Variants in CEP89 observed in about 807,000 individuals in gnomAD.
CEP89 encodes the protein centrosomal protein 89.
Under a neutral mutation model 97.6 loss-of-function variants are expected in CEP89, and 95 were observed. The observed-to-expected ratio is 0.97, with a 90% CI of 0.82 to 1.15. The LOEUF is 1.15. Among genes scored for constraint, CEP89 ranks in the 50% most tolerant of loss-of-function variants. The pLI is 0.00. For missense variants in CEP89, 869 were observed against 947.7 expected (o/e 0.92, Z 1.09); for synonymous variants, 354 against 349.1 (o/e 1.01, Z -0.16).
chr19:32,964,463 C>T (rs1035822061), intron 2 of CEP89, among the ~76,000 whole-genome samples: 1 of 152,208 alleles, frequency 6.6e-6, no homozygotes, highest in African/African-American at 2.4e-5. Flanking sequence ...TGAGCCACCA[C>T]ACTCAGCCAG....
At chr19:32,946,954 T>C (rs1037633913) in intron 5 of CEP89, among the ~76,000 whole-genome samples, 13 of 152,202 alleles carry the variant, frequency 8.5e-5, no homozygotes, top group African/African-American at 3.1e-4. Context: ...AGTGAGACAG[T>C]ATTACTTTTG....
intron 5 of CEP89, 119 bp from the exon 6 acceptor site, chr19:32,940,004 G>C (rs112727554): frequency 6.5e-5 from 35 of 536,292 alleles, no homozygotes; most frequent in African/African-American, 5.1e-4. Context: ...GCCCAGAACA[G>C]GGATAAAATT....
At chr19:32,904,271 TTA>T (rs1365166789) in intron 14 of CEP89, among the ~76,000 whole-genome samples, 1 of 152,198 alleles carries the variant, frequency 6.6e-6, no homozygotes, top group African/African-American at 2.4e-5. Flanking sequence ...AAAACACACG[TTA>T]TCTTCAGAAG....
intron 13 of CEP89, among the ~76,000 whole-genome samples, chr19:32,916,222 G>A (rs1970123935): frequency 6.6e-6 from 1 of 152,128 alleles, no homozygotes; most frequent in South Asian, 2.1e-4. Context: ...GGACTATAGT[G>A]AGCCGTGACT....
chr19:32,971,467 G>C (rs1401438259), intron 1 of CEP89: 1 of 541,016 alleles, frequency 1.8e-6, no homozygotes, highest in East Asian at 2.9e-5. Flanking sequence ...ACCACCATAG[G>C]AACATAGCAA....
chr19:32,903,684 G>T (rs116170969), intron 14 of CEP89, among the ~76,000 whole-genome samples: 298 of 152,288 alleles, frequency 2.0e-3, no homozygotes, highest in African/African-American at 6.8e-3. Context: ...GAAGCCCAGA[G>T]AGAAACAAGT....
chr19:32,950,923 A>C (rs2145954462), intron 4 of CEP89, among the ~76,000 whole-genome samples: 1 of 152,340 alleles, frequency 6.6e-6, no homozygotes, highest in South Asian at 2.1e-4. Flanking sequence ...AATTAAATGC[A>C]TGTAAATTTT....
chr19:32,924,064 A>G (rs889840153), intron 11 of CEP89, among the ~76,000 whole-genome samples: 6 of 144,674 alleles, frequency 4.1e-5, no homozygotes, highest in South Asian at 2.2e-4. Context: ...AGAGTACAGT[A>G]CTGCAATCAC....
intron 2 of CEP89, among the ~76,000 whole-genome samples, chr19:32,964,948 C>A (rs1228877433): frequency 6.6e-6 from 1 of 152,154 alleles, no homozygotes; most frequent in Admixed American, 6.5e-5. Context: ...CACTGTTGCT[C>A]AGGCTGCAGT....
chr19:32,891,258 C>T (rs1568545885), intron 16 of CEP89, among the ~76,000 whole-genome samples: 1 of 152,204 alleles, frequency 6.6e-6, no homozygotes, highest in Admixed American at 6.5e-5. Flanking sequence ...CAAAGCAACC[C>T]AAGCACACCA....
chr19:32,941,927 A>G lies in CEP89; in HGVS notation c.596-2042T>C, dbSNP rs572648143. 4.6e-5 allele frequency among the ~76,000 whole-genome samples: 7 copies of G among 152,348 alleles called. No homozygotes were observed. The East Asian group carries it at 1.3e-3, about 29-fold the overall frequency. ...AAAGTGATACAATAAGAAAAAATAT[A>G]TATTTTTAATAACACCTTTACAATA... On this transcript the variant is annotated intron_variant, in intron 5 of 18. Transcript: ENST00000305768.
At chr19:32,963,941 A>AACACACACAC (rs55691423) in intron 2 of CEP89, 3 of 143,602 alleles carry the variant, frequency 2.1e-5, no homozygotes, top group Non-Finnish European at 4.6e-5. Flanking sequence ...CATGCACATG[A>AACACACACAC]ACACACACAC....
At chr19:32,922,602 C>T (rs1970272486) in intron 12 of CEP89, among the ~76,000 whole-genome samples, 1 of 152,096 alleles carries the variant, frequency 6.6e-6, no homozygotes. Context: ...AATCCCAGCA[C>T]TTTGGGAGGC....
chr19:32,965,740 G>T (rs1174442786), intron 2 of CEP89, among the ~76,000 whole-genome samples: 1 of 150,548 alleles, frequency 6.6e-6, no homozygotes, highest in East Asian at 2.0e-4. Flanking sequence ...AATGGGCTGG[G>T]TGCGGAGGTT....
At chr19:32,952,559 C>G (rs1292016613) in intron 4 of CEP89, among the ~76,000 whole-genome samples, 1 of 151,664 alleles carries the variant, frequency 6.6e-6, no homozygotes, top group African/African-American at 2.4e-5. Context: ...CTTAATGCTG[C>G]TGGTCTATAT....
chr19:32,904,331 C>CA (rs1202268468), intron 14 of CEP89, among the ~76,000 whole-genome samples: 2 of 152,106 alleles, frequency 1.3e-5, no homozygotes, highest in Non-Finnish European at 2.9e-5. Flanking sequence ...CGACGCAAGC[C>CA]AAAAGACTAT....
intron 5 of CEP89, among the ~76,000 whole-genome samples, chr19:32,940,406 C>A (rs1295718724): frequency 3.3e-5 from 5 of 150,130 alleles, no homozygotes; most frequent in Non-Finnish European, 7.4e-5. Flanking sequence ...CTTCCCATGC[C>A]GGGCTCCTCC....
chr19:32,940,034 T>C (rs548939683), intron 5 of CEP89, 149 bp from the exon 6 acceptor site: 1 of 503,570 alleles, frequency 2.0e-6, no homozygotes, highest in East Asian at 3.6e-5. Flanking sequence ...ACAGGGCAAG[T>C]GGGTCCCAGA....
At chr19:32,908,465 G>C (rs549523025) in intron 14 of CEP89, among the ~76,000 whole-genome samples, 2 of 152,198 alleles carry the variant, frequency 1.3e-5, no homozygotes, top group African/African-American at 2.4e-5. Flanking sequence ...GGGCTGTCCC[G>C]CGGAAGGGGC....
Sources: gnomAD v4.1 joint callset for allele counts (sites outside exome capture counted in the v4.1 genomes callset) on GRCh38, gnomAD v4.1.1 for gene constraint, MANE v1.5 for transcripts, NCBI Gene and HGNC (gene_info 2026-07-23, HGNC 2026-07-21) for gene names.